The following ESCO1 variants were observed in gnomAD, a reference collection of about 807,000 sequenced individuals.
ESCO1 encodes establishment of sister chromatid cohesion N-acetyltransferase 1.
A neutral mutation model predicts 83.5 loss-of-function variants in ESCO1; 33 were observed. That is an observed-to-expected ratio of 0.40 (90% CI 0.30 to 0.53). ESCO1 has a LOEUF of 0.53. ESCO1 is among the 20% of genes least tolerant of loss of function. The probability of loss-of-function intolerance (pLI) is 0.63; values close to 1 mark genes in which losing one functional copy is unlikely to be tolerated. For synonymous variants in ESCO1, 332 were observed against 324.3 expected, an observed-to-expected ratio of 1.02 and a Z score of -0.25; for missense variants, 855 against 968.0, an observed-to-expected ratio of 0.88 and a Z score of 1.55.
chr18:21,560,748 A>G, intron 8 of ESCO1, 111 bp downstream of exon 8: 3 of 1,326,824 alleles, frequency 2.3e-6, no homozygotes, highest in Non-Finnish European at 3.1e-6. Flanking sequence ...ACATATTATT[A>G]TCTCTTAAAA....
rs531587585 is a variant in ESCO1 at position 21,562,949 on chromosome 18, G to A, written c.1821+1254C>T. ...TGCAATGGCATGATCTCAGCTCACC[G>A]AAACCTCCACCTTCCGAGTTCAAGG... On this transcript the variant is annotated intron_variant, in intron 7 of 11. Transcript: ENST00000269214. 6.9e-4 allele frequency among the ~76,000 whole-genome samples: 104 copies of A among 150,362 alleles called. No homozygotes were observed. In the Middle Eastern group the frequency reaches 0.01, roughly 15 times the overall value.
chr18:21,568,224 C>T, intron 4 of ESCO1, 130 bp from the exon 5 acceptor site: 2 of 645,722 alleles, frequency 3.1e-6, no homozygotes, highest in East Asian at 2.8e-5. Context: ...GACATGAAGT[C>T]TCCCCATGAT....
Position 21,570,279 on chromosome 18 carries a change from T to C in ESCO1, c.1531-2185A>G, listed in dbSNP as rs577796955. Among the ~76,000 whole-genome samples the C allele has an allele frequency of 2.0e-5, 3 of 152,140 alleles. No individual in the cohort carries two copies. In the East Asian group the frequency reaches 5.8e-4, roughly 29 times the overall value. On this transcript the variant is annotated intron_variant, in intron 4 of 11. Transcript: ENST00000269214. ...CTCCTAGCTAATTTTTAAATTATTT[T>C]GTAGAGAGGGAGTCTCACTATGTTG...
chr18:21,541,449 C>T (rs2037904737), intron 8 of ESCO1, among the ~76,000 whole-genome samples: 1 of 151,714 alleles, frequency 6.6e-6, no homozygotes, highest in South Asian at 2.1e-4. Context: ...TATTTTTAGG[C>T]GGGTGTGGTG....
intron 8 of ESCO1, chr18:21,540,763 A>G: frequency 8.5e-7 from 1 of 1,171,730 alleles, no homozygotes; most frequent in Non-Finnish European, 1.1e-6. Flanking sequence ...ACTGAACCAG[A>G]GGTTAAAACT....
rs2038435931 is a variant in ESCO1, at chr18:21,577,502, T to C, written c.-693-1725A>G. Among the ~76,000 whole-genome samples the C allele has an allele frequency of 2.1e-5, 3 of 141,062 alleles. No homozygotes were observed. The Admixed American group carries it at 2.2e-4, about 10-fold the overall frequency. The allele number at this position is 141,062 out of a possible 152,430, so 92.5% of individuals were successfully genotyped here. ...GGTGAAACCCCGTCTCTACTAAAAA[T>C]ACAAAAAATTAGCTGGGTGTGGTGG... is the stretch of plus-strand genomic sequence containing the variant. On this transcript the variant is annotated intron_variant, in intron 2 of 11. Transcript: ENST00000269214.
At chr18:21,556,583 T>C (rs939493009) in intron 8 of ESCO1, among the ~76,000 whole-genome samples, 3 of 152,206 alleles carry the variant, frequency 2.0e-5, no homozygotes, top group African/African-American at 7.2e-5. Flanking sequence ...CATCTAGCAA[T>C]GTGTGGCTTT....
chr18:21,535,889 C>T (rs926569233), intron 10 of ESCO1, among the ~76,000 whole-genome samples, 153 bp downstream of exon 10: 2 of 152,228 alleles, frequency 1.3e-5, no homozygotes, highest in Non-Finnish European at 2.9e-5. Context: ...AACCATTATT[C>T]CACTATGGTG....
At chr18:21,544,905 C>T (rs1023133722) in intron 8 of ESCO1, among the ~76,000 whole-genome samples, 17 of 152,248 alleles carry the variant, frequency 1.1e-4, no homozygotes, top group South Asian at 2.1e-4. Flanking sequence ...ATCTAGTCAG[C>T]GTTGCAGCCA....
rs2037886608 is a variant in ESCO1, at chr18:21,540,107, T to C, written c.1954-98A>G. 9 of 1,130,532 alleles carry C rather than the reference T, an allele frequency of 8.0e-6. 1 individual carries two copies. The South Asian group carries it at 1.5e-4, about 19-fold the overall frequency. 70.0% of individuals were successfully genotyped at this position (1,130,532 alleles called of 1,614,324 possible). On this transcript the variant is annotated intron_variant, in intron 8 of 11. Transcript: ENST00000269214. Reference sequence around the variant, plus strand: ...ACGTACAAGATAAAAAGTACATCAATTTGTCTAAAAATTGCAAACATGAAA... The same window carrying C: ...ACGTACAAGATAAAAAGTACATCAACTTGTCTAAAAATTGCAAACATGAAA...
chr18:21,569,187 G>A (rs1249174561), intron 4 of ESCO1, among the ~76,000 whole-genome samples: 1 of 152,046 alleles, frequency 6.6e-6, no homozygotes, highest in African/African-American at 2.4e-5. Context: ...AGTTATTTGT[G>A]TCTGACTTAC....
intron 4 of ESCO1, among the ~76,000 whole-genome samples, chr18:21,569,257 A>T (rs1442186813): frequency 6.6e-6 from 1 of 152,246 alleles, no homozygotes; most frequent in African/African-American, 2.4e-5. Context: ...AATAGCCTCT[A>T]ATTCAGAACC....
chr18:21,561,092 A>C (rs908229793), intron 7 of ESCO1, 102 bp from the exon 8 acceptor site: 2 of 1,101,774 alleles, frequency 1.8e-6, no homozygotes, highest in Non-Finnish European at 2.4e-6. Context: ...AGAATTGTTT[A>C]ATCTACATGA....
chr18:21,540,709 A>AAAAAC (rs756025222), intron 8 of ESCO1: 6 of 1,272,710 alleles, frequency 4.7e-6, no homozygotes, highest in African/African-American at 1.6e-5. Context: ...ACCTGCATAA[A>AAAAAC]AAAACAAAAC....
intron 8 of ESCO1, among the ~76,000 whole-genome samples, chr18:21,554,435 C>T (rs539923785): frequency 6.6e-6 from 1 of 152,204 alleles, no homozygotes; most frequent in African/African-American, 2.4e-5. Context: ...AATGGAATAT[C>T]ACACAGCGCT....
intron 9 of ESCO1, among the ~76,000 whole-genome samples, chr18:21,536,986 T>A (rs1198040038): frequency 2.0e-5 from 3 of 152,206 alleles, no homozygotes; most frequent in African/African-American, 4.8e-5. Flanking sequence ...AATCCCACAT[T>A]TCTTGGAGGT....
At chr18:21,543,729 C>T (rs1357656378) in intron 8 of ESCO1, among the ~76,000 whole-genome samples, 1 of 151,946 alleles carries the variant, frequency 6.6e-6, no homozygotes, top group Non-Finnish European at 1.5e-5. Flanking sequence ...AACCAACAAC[C>T]AGCTTTTCAA....
chr18:21,566,752 C>T (rs1364368677), intron 5 of ESCO1, among the ~76,000 whole-genome samples: 1 of 151,192 alleles, frequency 6.6e-6, no homozygotes, highest in African/African-American at 2.4e-5. Context: ...CCCAGCTGCC[C>T]AGGAGGCTGA....
intron 2 of ESCO1, among the ~76,000 whole-genome samples, chr18:21,576,910 G>A (rs376703331): frequency 2.0e-5 from 3 of 152,158 alleles, no homozygotes; most frequent in African/African-American, 7.2e-5. Flanking sequence ...GCAGGCGCCT[G>A]TAATCCCAGC....
Sources: allele counts gnomAD v4.1 joint callset (sites outside exome capture counted in the v4.1 genomes callset), GRCh38; gene constraint gnomAD v4.1.1; transcripts MANE v1.5; gene names NCBI Gene and HGNC (gene_info 2026-07-23, HGNC 2026-07-21).